The following MCCC1 variants were observed in gnomAD, a reference collection of about 807,000 sequenced individuals.
The protein encoded by MCCC1 is methylcrotonyl-CoA carboxylase subunit 1.
In MCCC1, 64 loss-of-function variants were observed where a neutral mutation model predicts 83.8. The ratio of observed to expected loss-of-function variants is 0.76; its 90% CI spans 0.62 to 0.94. The LOEUF is 0.94. Among genes scored for constraint, MCCC1 ranks in the 40% least tolerant of loss-of-function variants. MCCC1 has a pLI of 0.00. For missense variants in MCCC1, 807 were observed against 904.7 expected, an observed-to-expected ratio of 0.89 and a Z score of 1.39; for synonymous variants, 322 against 315.4, an observed-to-expected ratio of 1.02 and a Z score of -0.22.
At chr3:183,086,816 A>G (rs201842306) in intron 3 of MCCC1, 28 bp from the exon 4 acceptor site, 90 of 1,599,144 alleles carry the variant, frequency 5.6e-5, no homozygotes, top group Non-Finnish European at 7.4e-5. Context: ...CATGCTTAAA[A>G]GACTTTGTGG....
chr3:183,075,500 A>G (rs1261952626), intron 4 of MCCC1, among the ~76,000 whole-genome samples: 1 of 149,562 alleles, frequency 6.7e-6, no homozygotes, highest in Non-Finnish European at 1.5e-5. Context: ...TGTTGGTCAC[A>G]TGTATGTCTT....
chr3:183,068,203 G>T (rs895655295), intron 7 of MCCC1, among the ~76,000 whole-genome samples: 3 of 152,164 alleles, frequency 2.0e-5, no homozygotes, highest in Non-Finnish European at 4.4e-5. Context: ...AAGACCTGCT[G>T]GGCTGCATTC....
intron 1 of MCCC1, among the ~76,000 whole-genome samples, chr3:183,109,365 G>A (rs537458683): frequency 1.3e-5 from 2 of 152,286 alleles, no homozygotes; most frequent in African/African-American, 4.8e-5. Flanking sequence ...TCACCCTGGT[G>A]AGCATAGTAC....
At chr3:183,104,025 G>C (rs975203668), upstream of MCCC1, among the ~76,000 whole-genome samples, 2 of 152,262 alleles carry the variant, frequency 1.3e-5, no homozygotes, top group Middle Eastern at 3.4e-3. Context: ...CGGCAGGGCC[G>C]GCCGGCTACT....
At chr3:183,015,616 C>T (rs758289744) in intron 18 of MCCC1, 50 bp from the exon 19 acceptor site, 1 of 1,610,896 alleles carries the variant, frequency 6.2e-7, no homozygotes, top group South Asian at 1.1e-5. Flanking sequence ...CTAATGAGGA[C>T]TGAGTATACA....
At chr3:183,095,175 C>CGGGAGGCT (rs1319510503) in intron 1 of MCCC1, among the ~76,000 whole-genome samples, 1 of 151,586 alleles carries the variant, frequency 6.6e-6, no homozygotes, top group Non-Finnish European at 1.5e-5. Context: ...CCCAGCTACT[C>CGGGAGGCT]GGGAGGCTGA....
chr3:183,026,685 G>A (rs963982238), intron 14 of MCCC1, among the ~76,000 whole-genome samples: 9 of 152,132 alleles, frequency 5.9e-5, no homozygotes, highest in South Asian at 2.1e-4. Flanking sequence ...ACTCCAGCCT[G>A]GGTGACAGAG....
chr3:183,098,166 T>C (rs889790548), intron 1 of MCCC1, among the ~76,000 whole-genome samples: 1 of 152,226 alleles, frequency 6.6e-6, no homozygotes, highest in Non-Finnish European at 1.5e-5. Flanking sequence ...CCTGACCTCG[T>C]GATCTGCCCG....
chr3:183,055,715 G>A (rs916358397), intron 8 of MCCC1, among the ~76,000 whole-genome samples: 3 of 151,912 alleles, frequency 2.0e-5, no homozygotes, highest in African/African-American at 7.3e-5. Flanking sequence ...GGTCAACACA[G>A]TAAGACCCCA....
At chr3:183,043,722 T>C (rs1714302787) in intron 10 of MCCC1, among the ~76,000 whole-genome samples, 1 of 152,230 alleles carries the variant, frequency 6.6e-6, no homozygotes, top group Non-Finnish European at 1.5e-5. Context: ...AAAAGCTGGC[T>C]TCTCTTTCTG....
chr3:183,047,477 T>C (rs1032020664), intron 9 of MCCC1, among the ~76,000 whole-genome samples: 1 of 151,892 alleles, frequency 6.6e-6, no homozygotes, highest in Non-Finnish European at 1.5e-5. Context: ...AAAAACACAG[T>C]TTGAAGAGAC....
chr3:183,092,636 T>C, intron 2 of MCCC1, 91 bp from the exon 3 acceptor site: 1 of 1,532,240 alleles, frequency 6.5e-7, no homozygotes, highest in African/African-American at 1.4e-5. Flanking sequence ...TGATAAGGAC[T>C]CGACTGATAA....
At chr3:183,021,465 C>T (rs2108440031) in intron 16 of MCCC1, among the ~76,000 whole-genome samples, 1 of 152,320 alleles carries the variant, frequency 6.6e-6, no homozygotes, top group South Asian at 2.1e-4. Flanking sequence ...AGCAATCTGC[C>T]TGCCTTGGCC....
At chr3:183,020,031 G>T in intron 17 of MCCC1, 99 bp downstream of exon 17, 1 of 904,952 alleles carries the variant, frequency 1.1e-6, no homozygotes, top group African/African-American at 1.6e-5. Flanking sequence ...GCTTTCCAAT[G>T]AGCAAGGTTT....
chr3:183,031,775 G>C (rs1408581394), intron 14 of MCCC1, among the ~76,000 whole-genome samples: 1 of 150,940 alleles, frequency 6.6e-6, no homozygotes, highest in Non-Finnish European at 1.5e-5. Context: ...TGGGGTTACG[G>C]GTGGGAGATA....
At chr3:183,016,701 G>A (rs1711665539) in intron 18 of MCCC1, among the ~76,000 whole-genome samples, 2 of 152,156 alleles carry the variant, frequency 1.3e-5, no homozygotes, top group South Asian at 4.1e-4. Context: ...AACGTGTATG[G>A]TTTTGCACCA....
intron 15 of MCCC1, among the ~76,000 whole-genome samples, chr3:183,023,337 T>C (rs943137891): frequency 6.6e-6 from 1 of 152,254 alleles, no homozygotes. Flanking sequence ...ATTTACACAT[T>C]GGTTCTCATC....
intron 2 of MCCC1, among the ~76,000 whole-genome samples, chr3:183,094,197 C>T (rs1306486281): frequency 6.6e-6 from 1 of 151,920 alleles, no homozygotes; most frequent in African/African-American, 2.4e-5. Context: ...TACAGGCACC[C>T]GCCACCACGC....
In MCCC1 at chr3:183,020,183, A is replaced by G. The variant is rs1360198769; in HGVS notation, c.1924T>C (p.Ser642Pro). 1 of 1,614,122 alleles carries G rather than the reference A, an allele frequency of 6.2e-7. No homozygotes were observed. Residue 642 changes from serine (S) to proline (P), a missense_variant, in exon 17 of 19, where the codon TCA (serine) becomes CCA (proline). Transcript: ENST00000265594. ...AAGGGGCCGCCCTGAGTTTCTTGTGAGCTCACAGAAGATAAGTATTTGGGG... is the reference window on the plus strand; with the variant it reads ...AAGGGGCCGCCCTGAGTTTCTTGTGGGCTCACAGAAGATAAGTATTTGGGG... The part of the protein sequence containing the change: ...PVPKYLSSVS[S>P]QETQGGPLAP...
Sources: allele counts gnomAD v4.1 joint callset (sites outside exome capture counted in the v4.1 genomes callset), GRCh38; gene constraint gnomAD v4.1.1; transcripts MANE v1.5; gene names NCBI Gene and HGNC (gene_info 2026-07-23, HGNC 2026-07-21).